Variants in KCNH8 observed in about 807,000 individuals in gnomAD.
The protein encoded by KCNH8 is voltage-gated delayed rectifier potassium channel KCNH8.
KCNH8 carries 70 observed loss-of-function variants against 103.6 expected under a neutral mutation model. The observed-to-expected ratio is 0.68, with a 90% CI of 0.56 to 0.82. The LOEUF (loss-of-function observed/expected upper bound fraction) is 0.82. Ranked by LOEUF, KCNH8 falls within the 40% of genes least tolerant of loss-of-function variation. The pLI, the probability that KCNH8 is intolerant of heterozygous loss-of-function variation, is 0.00. For synonymous variants in KCNH8, 498 were observed against 489.4 expected (o/e 1.02, Z -0.23); for missense variants, 1,217 against 1,329.9 (o/e 0.92, Z 1.32).
chr3:19,187,504 C>T (rs2063514363), intron 1 of KCNH8, among the ~76,000 whole-genome samples: 1 of 152,014 alleles, frequency 6.6e-6, no homozygotes, highest in South Asian at 2.1e-4. Context: ...CTCAGTTGAT[C>T]ACCCACTTCA....
Position 19,531,597 on chromosome 3 carries a change from C to CAGTT in KCNH8, c.2620-1797_2620-1794dup, listed in dbSNP as rs752090986. On this transcript the variant is annotated intron_variant, in intron 15 of 15. Coordinates refer to ENST00000328405, the MANE Select transcript of KCNH8 (RefSeq NM_144633.3). ...CTGGCAATTTCAAGGCAGGTGTTAC[C>CAGTT]AGTTGGTTGCCCAAACCATGGAAAA... 1.3e-3 allele frequency among the ~76,000 whole-genome samples: 204 copies of CAGTT among 152,288 alleles called. 4 individuals carry two copies. The highest frequency in any genetic ancestry group is 8.7e-4 in the Non-Finnish European group (59 of 68,030).
At chr3:19,516,019 G>A (rs1414617871) in intron 14 of KCNH8, among the ~76,000 whole-genome samples, 5 of 151,934 alleles carry the variant, frequency 3.3e-5, no homozygotes, top group Admixed American at 1.3e-4. Context: ...GAATGATTCT[G>A]TCAACAAGAC....
At chr3:19,499,139 G>C (rs2125231382) in intron 11 of KCNH8, among the ~76,000 whole-genome samples, 1 of 152,322 alleles carries the variant, frequency 6.6e-6, no homozygotes, top group African/African-American at 2.4e-5. Context: ...ACTACGTGAG[G>C]AATGCAGAAG....
intron 5 of KCNH8, among the ~76,000 whole-genome samples, chr3:19,376,070 C>G (rs973860596): frequency 5.3e-5 from 8 of 152,132 alleles, no homozygotes; most frequent in African/African-American, 1.9e-4. Context: ...GTGCCCTGCC[C>G]CCAGAGGTGG....
intron 3 of KCNH8, among the ~76,000 whole-genome samples, chr3:19,339,557 CAATG>C (rs1261740578): frequency 6.6e-6 from 1 of 152,064 alleles, no homozygotes; most frequent in African/African-American, 2.4e-5. Context: ...TTCGCAGTAA[CAATG>C]AAATGTGCTT....
At chr3:19,502,364 T>G (rs1461331983) in intron 11 of KCNH8, among the ~76,000 whole-genome samples, 6 of 150,176 alleles carry the variant, frequency 4.0e-5, no homozygotes, top group Non-Finnish European at 7.4e-5. Flanking sequence ...AATTTACAGA[T>G]TCAATGCCAT....
intron 11 of KCNH8, among the ~76,000 whole-genome samples, chr3:19,469,025 T>C (rs1321633205): frequency 1.3e-5 from 2 of 152,218 alleles, no homozygotes; most frequent in Non-Finnish European, 2.9e-5. Flanking sequence ...AAATGATTTA[T>C]TGAATATTAA....
intron 5 of KCNH8, among the ~76,000 whole-genome samples, chr3:19,377,362 G>A (rs918877844): frequency 6.6e-6 from 1 of 152,170 alleles, no homozygotes; most frequent in African/African-American, 2.4e-5. Context: ...TGTTGGAGAG[G>A]TGAGAACACA....
intron 1 of KCNH8, among the ~76,000 whole-genome samples, chr3:19,210,400 T>C (rs2063758421): frequency 6.6e-6 from 1 of 152,114 alleles, no homozygotes; most frequent in Non-Finnish European, 1.5e-5. Context: ...AACATCCTAA[T>C]TGTTACATAG....
chr3:19,311,618 C>T (rs1008725591), intron 3 of KCNH8, among the ~76,000 whole-genome samples: 5 of 151,936 alleles, frequency 3.3e-5, no homozygotes, highest in East Asian at 1.9e-4. Context: ...TATTTCCTCA[C>T]GCTCAGTCTG....
chr3:19,374,729 G>A (rs906265350), intron 5 of KCNH8, among the ~76,000 whole-genome samples: 26 of 152,054 alleles, frequency 1.7e-4, no homozygotes, highest in African/African-American at 6.3e-4. Context: ...GCATGATTTT[G>A]CAGTGGCTGG....
At chr3:19,381,575 C>T (rs9841624) in intron 5 of KCNH8, among the ~76,000 whole-genome samples, 7,678 of 151,716 alleles carry the variant, frequency 0.051, 347 homozygotes, top group East Asian at 0.16. Context: ...TTTCCTTAGA[C>T]AAAAGTTCTG....
rs562586887 is a variant in KCNH8 at position 19,168,023 on chromosome 3, T to G, written c.76+19228T>G. 3.9e-5 allele frequency among the ~76,000 whole-genome samples: 6 copies of G among 152,086 alleles called. No homozygotes were observed. The East Asian group carries it at 5.8e-4, about 15-fold the overall frequency. ...CCTCTCTCCACTTCTTTTTTTTTTTTTTTTAAGATGGAGTTTCACTATTGT... is the reference window on the plus strand; with the variant it reads ...CCTCTCTCCACTTCTTTTTTTTTTTGTTTTAAGATGGAGTTTCACTATTGT... On this transcript the variant is annotated intron_variant, in intron 1 of 15. Transcript: ENST00000328405.
chr3:19,336,774 G>C (rs1462720757), intron 3 of KCNH8, among the ~76,000 whole-genome samples: 1 of 151,750 alleles, frequency 6.6e-6, no homozygotes, highest in African/African-American at 2.4e-5. Flanking sequence ...TTTGCATCTT[G>C]AACTAGAAGT....
At chr3:19,263,307 T>C (rs2064461142) in intron 2 of KCNH8, among the ~76,000 whole-genome samples, 1 of 152,084 alleles carries the variant, frequency 6.6e-6, no homozygotes, top group Admixed American at 6.6e-5. Flanking sequence ...AAACAGTTTA[T>C]CTAGTGTTCC....
chr3:19,201,859 C>T (rs111453029), intron 1 of KCNH8, among the ~76,000 whole-genome samples: 2,312 of 152,144 alleles, frequency 0.015, 59 homozygotes, highest in African/African-American at 0.051. Flanking sequence ...TGTTATTACT[C>T]GGGAGATAAG....
chr3:19,228,894 A>C (rs1275598035), intron 1 of KCNH8, among the ~76,000 whole-genome samples: 4 of 152,256 alleles, frequency 2.6e-5, no homozygotes, highest in Non-Finnish European at 5.9e-5. Context: ...TATAGGAGGT[A>C]ACTCATTTTA....
chr3:19,246,286 T>TG (rs1314987604), intron 1 of KCNH8, among the ~76,000 whole-genome samples: 5 of 143,870 alleles, frequency 3.5e-5, no homozygotes, highest in African/African-American at 5.1e-5. Flanking sequence ...TTTTTTTTTT[T>TG]TTTTTTTTTT....
intron 11 of KCNH8, among the ~76,000 whole-genome samples, chr3:19,493,089 T>G (rs985443910): frequency 6.6e-6 from 1 of 152,200 alleles, no homozygotes; most frequent in Non-Finnish European, 1.5e-5. Context: ...TCCTAAAACC[T>G]TACTAAAATT....
Sources: gnomAD v4.1 joint callset for allele counts (sites outside exome capture counted in the v4.1 genomes callset) on GRCh38, gnomAD v4.1.1 for gene constraint, MANE v1.5 for transcripts, NCBI Gene and HGNC (gene_info 2026-07-23, HGNC 2026-07-21) for gene names.